RBFOX1: variants seen among roughly 807,000 people sequenced by gnomAD.
RBFOX1 encodes the protein RNA binding fox-1 homolog 1, also known as RNA binding protein fox-1 homolog 1.
A neutral mutation model predicts 57.7 loss-of-function variants in RBFOX1; 8 were observed. The observed-to-expected ratio is 0.14, with a 90% CI of 0.08 to 0.25. RBFOX1 has a LOEUF of 0.25. RBFOX1 is among the 10% of genes least tolerant of loss of function. The pLI, the probability that RBFOX1 is intolerant of heterozygous loss-of-function variation, is 1.00. For missense variants in RBFOX1, 611 were observed against 548.5 expected, an observed-to-expected ratio of 1.11 and a Z score of -1.14; for synonymous variants, 326 against 222.4, an observed-to-expected ratio of 1.47 and a Z score of -4.15.
intron 3 of RBFOX1, among the ~76,000 whole-genome samples, chr16:5,822,545 A>G (rs190811884): frequency 3.9e-5 from 6 of 152,370 alleles, no homozygotes; most frequent in Non-Finnish European, 7.3e-5. Context: ...CATAGATCCT[A>G]TAGCTACAAA....
chr16:6,936,795 G>A (rs960455947), intron 3 of RBFOX1, among the ~76,000 whole-genome samples: 3 of 152,014 alleles, frequency 2.0e-5, no homozygotes, highest in Admixed American at 2.0e-4. Flanking sequence ...CCTCTTGAAA[G>A]CCTGTGCCCA....
intron 4 of RBFOX1, among the ~76,000 whole-genome samples, chr16:7,138,045 T>G (rs963600355): frequency 1.3e-5 from 2 of 152,198 alleles, no homozygotes; most frequent in African/African-American, 4.8e-5. Context: ...AGCTGGAATT[T>G]TAGTCACCAT....
At chr16:6,501,805 C>T (rs937655692) in intron 2 of RBFOX1, among the ~76,000 whole-genome samples, 1 of 146,180 alleles carries the variant, frequency 6.8e-6, no homozygotes, top group East Asian at 2.1e-4. Flanking sequence ...TTCCTCCAGG[C>T]TCTTTGCTGA....
intron 11 of RBFOX1, among the ~76,000 whole-genome samples, chr16:7,645,798 C>T (rs1363647338): frequency 2.0e-5 from 3 of 152,152 alleles, no homozygotes; most frequent in Non-Finnish European, 4.4e-5. Flanking sequence ...ACATGCATTT[C>T]ATACTGAAAC....
At chr16:6,468,668 G>C (rs556987609) in intron 2 of RBFOX1, among the ~76,000 whole-genome samples, 1 of 152,088 alleles carries the variant, frequency 6.6e-6, no homozygotes, top group African/African-American at 2.4e-5. Flanking sequence ...TTGTGTGTGA[G>C]TTAGAACATT....
chr16:7,445,767 A>T (rs1050862815), intron 4 of RBFOX1, among the ~76,000 whole-genome samples: 1 of 152,146 alleles, frequency 6.6e-6, no homozygotes, highest in Non-Finnish European at 1.5e-5. Context: ...ACGTTTGGAG[A>T]TGCCCAAAGA....
intron 3 of RBFOX1, among the ~76,000 whole-genome samples, chr16:5,714,366 A>C (rs979139819): frequency 2.0e-5 from 3 of 152,194 alleles, no homozygotes; most frequent in African/African-American, 7.2e-5. Context: ...TCATGATGAG[A>C]AGAACTTCCC....
At chr16:6,595,711 C>G (rs945889324) in intron 2 of RBFOX1, among the ~76,000 whole-genome samples, 4 of 152,096 alleles carry the variant, frequency 2.6e-5, no homozygotes, top group African/African-American at 9.7e-5. Context: ...CACATCGTCA[C>G]GAATACTTGT....
chr16:6,134,450 G>C (rs903535222), intron 1 of RBFOX1, among the ~76,000 whole-genome samples: 3 of 152,112 alleles, frequency 2.0e-5, no homozygotes, highest in African/African-American at 7.2e-5. Flanking sequence ...GTCTTGTTAG[G>C]GGTATTGTAC....
At chr16:7,054,406 A>AT (rs1029418900) in intron 4 of RBFOX1, among the ~76,000 whole-genome samples, 3 of 150,678 alleles carry the variant, frequency 2.0e-5, no homozygotes, top group Non-Finnish European at 3.0e-5. Context: ...CGCCCAGCTA[A>AT]TTTTTTTTGT....
intron 1 of RBFOX1, among the ~76,000 whole-genome samples, chr16:5,250,840 A>G (rs1162064403): frequency 6.6e-6 from 1 of 152,058 alleles, no homozygotes; most frequent in Non-Finnish European, 1.5e-5. Flanking sequence ...GAATTTCCTC[A>G]CACACATCAC....
chr16:7,332,839 G>A lies in RBFOX1; in HGVS notation c.28-185308G>A, dbSNP rs2096716329. The A allele has an allele frequency of 6.2e-6, 9 of 1,446,312 alleles. No homozygotes were observed. In the South Asian group the frequency reaches 1.4e-4, roughly 22 times the overall value. 89.6% of individuals were successfully genotyped at this position (1,446,312 alleles called of 1,614,324 possible). On this transcript the variant is annotated intron_variant, in intron 4 of 15. Transcript: ENST00000550418. ...TTTCACATTAAGAGTTGCTGATGCG[G>A]ATTTTCTTTCTTTCCTCTCCCGGCG...
chr16:6,305,513 A>G (rs957981392), intron 1 of RBFOX1, among the ~76,000 whole-genome samples: 1 of 151,800 alleles, frequency 6.6e-6, no homozygotes, highest in Non-Finnish European at 1.5e-5. Context: ...CCAGATAGAT[A>G]TTTACTGAGT....
At position 7,694,652 on chromosome 16, in the gene RBFOX1, G is replaced by A. The variant is rs571342236; in HGVS notation, c.996-14404G>A. 5.9e-5 allele frequency among the ~76,000 whole-genome samples: 9 copies of A among 152,256 alleles called. No individual in the cohort carries two copies. The South Asian group carries it at 1.0e-3, about 18-fold the overall frequency. On this transcript the variant is annotated intron_variant, in intron 14 of 15. Transcript: ENST00000550418. ...TCTGCTTCTCATTGTGAGAGGTGGCGACATCCTTAACACTTTACTAATGCC... is the reference window on the plus strand; with the variant it reads ...TCTGCTTCTCATTGTGAGAGGTGGCAACATCCTTAACACTTTACTAATGCC...
chr16:7,024,129 C>G (rs111387932), intron 3 of RBFOX1, among the ~76,000 whole-genome samples: 2 of 152,038 alleles, frequency 1.3e-5, no homozygotes, highest in Non-Finnish European at 2.9e-5. Flanking sequence ...TAATGACATG[C>G]TTTATGTTAT....
intron 2 of RBFOX1, among the ~76,000 whole-genome samples, chr16:5,540,722 C>A (rs1246430300): frequency 6.6e-6 from 1 of 152,148 alleles, no homozygotes; most frequent in Admixed American, 6.5e-5. Context: ...TTAAAAACAC[C>A]CTAGTCTTTG....
chr16:6,335,964 A>G (rs1465706403), intron 2 of RBFOX1, among the ~76,000 whole-genome samples: 1 of 150,216 alleles, frequency 6.7e-6, no homozygotes, highest in East Asian at 1.9e-4. Flanking sequence ...GAGACGCAGC[A>G]TGATGGGAGA....
chr16:5,420,226 G>A (rs1275622949), intron 1 of RBFOX1, among the ~76,000 whole-genome samples: 1 of 152,282 alleles, frequency 6.6e-6, no homozygotes, highest in East Asian at 1.9e-4. Flanking sequence ...AACAAACAAG[G>A]TGGATTTATG....
chr16:7,304,524 G>T, intron 4 of RBFOX1: 3 of 985,154 alleles, frequency 3.0e-6, no homozygotes, highest in Non-Finnish European at 3.6e-6. Context: ...GCTTTCCTGG[G>T]GCTGGGCCAG....
Sources: allele counts gnomAD v4.1 joint callset (sites outside exome capture counted in the v4.1 genomes callset), GRCh38; gene constraint gnomAD v4.1.1; transcripts MANE v1.5; gene names NCBI Gene and HGNC (gene_info 2026-07-23, HGNC 2026-07-21).